Variants in GRIK2 observed in about 807,000 individuals in gnomAD.
GRIK2 encodes glutamate ionotropic receptor kainate type subunit 2, also known as glutamate receptor ionotropic, kainate 2.
Under a neutral mutation model 100.3 loss-of-function variants are expected in GRIK2, and 32 were observed. The observed-to-expected ratio is 0.32, with a 90% CI of 0.24 to 0.43. GRIK2 has a LOEUF of 0.43. GRIK2 is among the 20% of genes least tolerant of loss of function. The probability of loss-of-function intolerance (pLI) is 1.00; values close to 1 mark genes in which losing one functional copy is unlikely to be tolerated. For synonymous variants in GRIK2, 417 were observed against 389.4 expected (o/e 1.07, Z -0.83); for missense variants, 843 against 1,114.9 (o/e 0.76, Z 3.47).
intron 12 of GRIK2, among the ~76,000 whole-genome samples, chr6:101,913,752 A>T (rs1368388745): frequency 1.3e-5 from 2 of 151,462 alleles, no homozygotes; most frequent in African/African-American, 4.8e-5. Context: ...ACATTAACAA[A>T]GTAAAGAGAT....
chr6:101,617,118 A>G (rs775535368), intron 2 of GRIK2, among the ~76,000 whole-genome samples: 14 of 151,782 alleles, frequency 9.2e-5, no homozygotes, highest in Non-Finnish European at 1.6e-4. Context: ...GTGTTTTCAA[A>G]CTTAGAAAGG....
chr6:101,541,374 AACCAC>A (rs1397306330), intron 2 of GRIK2, among the ~76,000 whole-genome samples: 7 of 2,118 alleles, frequency 3.3e-3, no homozygotes, highest in Non-Finnish European at 5.4e-3. Context: ...CAGCGCACAC[AACCAC>A]ACACACACAC....
intron 2 of GRIK2, among the ~76,000 whole-genome samples, chr6:101,569,948 A>G (rs1290544821): frequency 6.6e-6 from 1 of 152,140 alleles, no homozygotes; most frequent in African/African-American, 2.4e-5. Context: ...TTTCTTATTG[A>G]ATCAGAGTAA....
At chr6:101,561,184 C>T (rs1776994450) in intron 2 of GRIK2, among the ~76,000 whole-genome samples, 2 of 151,998 alleles carry the variant, frequency 1.3e-5, no homozygotes, top group Non-Finnish European at 2.9e-5. Context: ...GATAACTTGT[C>T]CAAAGATGAA....
chr6:101,398,167 A>G (rs1050843844), intron 1 of GRIK2, among the ~76,000 whole-genome samples: 23 of 152,292 alleles, frequency 1.5e-4, no homozygotes, highest in African/African-American at 4.3e-4. Context: ...CTGCCTCTTT[A>G]GGAAAAAGAA....
intron 7 of GRIK2, among the ~76,000 whole-genome samples, chr6:101,687,376 C>T (rs181079377): frequency 1.3e-5 from 2 of 152,018 alleles, no homozygotes; most frequent in African/African-American, 4.8e-5. Context: ...ATTTACATTT[C>T]ATAGGAAATT....
In GRIK2 at chr6:101,854,330, G is replaced by A. The variant is rs183390075; in HGVS notation, c.1318-4957G>A. Among the ~76,000 whole-genome samples, 317 of 152,194 alleles carry A rather than the reference G, an allele frequency of 2.1e-3. 1 individual carries two copies. The highest frequency in any genetic ancestry group is 2.5e-3 in the Non-Finnish European group (167 of 68,006). ...GCTGGAGTGCAATGGCACAATCTCG[G>A]CTCACTGCAACCTCCACCTCCCAGG... On this transcript the variant is annotated intron_variant, in intron 10 of 16. Transcript: ENST00000369134.
intron 15 of GRIK2, among the ~76,000 whole-genome samples, chr6:102,039,451 T>C (rs778306596): frequency 2.0e-4 from 31 of 151,426 alleles, no homozygotes; most frequent in Non-Finnish European, 4.0e-4. Context: ...TTCAAAACAA[T>C]ATTTTTAAAG....
intron 14 of GRIK2, among the ~76,000 whole-genome samples, chr6:101,959,098 T>C (rs1023678831): frequency 1.3e-5 from 2 of 152,008 alleles, no homozygotes; most frequent in Non-Finnish European, 2.9e-5. Flanking sequence ...TATAGTAAAA[T>C]TGATACCATA....
At chr6:101,488,530 C>T (rs536056612) in intron 2 of GRIK2, among the ~76,000 whole-genome samples, 1 of 146,668 alleles carries the variant, frequency 6.8e-6, no homozygotes, top group Middle Eastern at 3.5e-3. Flanking sequence ...ATTATTTTCA[C>T]TTTTGGGAAT....
intron 7 of GRIK2, among the ~76,000 whole-genome samples, chr6:101,795,557 G>A (rs1259440465): frequency 1.3e-5 from 2 of 152,240 alleles, no homozygotes; most frequent in Non-Finnish European, 2.9e-5. Flanking sequence ...GTGGGCATGT[G>A]TGTGGTGAAT....
chr6:101,832,447 C>A (rs1051067044), intron 10 of GRIK2, among the ~76,000 whole-genome samples: 1 of 152,118 alleles, frequency 6.6e-6, no homozygotes, highest in Admixed American at 6.5e-5. Flanking sequence ...TAAGAACAAT[C>A]ATTTCCAACC....
intron 2 of GRIK2, among the ~76,000 whole-genome samples, chr6:101,491,274 GA>G (rs11392415): frequency 0.018 from 2,581 of 140,014 alleles, 32 homozygotes; most frequent in Non-Finnish European, 0.024. Context: ...GAGAAAAAAA[GA>G]AAAAAAAAAA....
At position 101,682,612 on chromosome 6, in the gene GRIK2, T is replaced by C. The variant is rs1466526226; in HGVS notation, c.777+6T>C. The C allele has an allele frequency of 8.7e-7, 1 of 1,154,530 alleles. No homozygotes were observed. The highest frequency in any genetic ancestry group is 2.0e-5 in the Admixed American group (1 of 48,956). The allele number at this position is 1,154,530 out of a possible 1,614,324, so 71.5% of individuals were successfully genotyped here. On this transcript the variant is annotated splice_donor_region_variant and intron_variant, in intron 6 of 16. Transcript: ENST00000369134. ...ATTATATCTTTACCACTCTGGTAAGTACTTCATTAAAACAAAATGTTCTGA... is the reference window on the plus strand; with the variant it reads ...ATTATATCTTTACCACTCTGGTAAGCACTTCATTAAAACAAAATGTTCTGA...
intron 2 of GRIK2, among the ~76,000 whole-genome samples, chr6:101,614,292 C>T (rs1249432327): frequency 1.3e-5 from 2 of 151,620 alleles, no homozygotes; most frequent in African/African-American, 4.8e-5. Flanking sequence ...ATTTTCTTTT[C>T]CCCCCAAACT....
intron 12 of GRIK2, among the ~76,000 whole-genome samples, chr6:101,899,534 T>C (rs1787703639): frequency 6.6e-6 from 1 of 152,064 alleles, no homozygotes; most frequent in Non-Finnish European, 1.5e-5. Context: ...TAAAGGATGA[T>C]TTTTCTCTTT....
intron 15 of GRIK2, among the ~76,000 whole-genome samples, chr6:102,036,544 G>C (rs775743145): frequency 6.6e-6 from 1 of 151,094 alleles, no homozygotes; most frequent in South Asian, 2.1e-4. Flanking sequence ...TTGAGTCATA[G>C]TTACGATGTG....
At chr6:101,457,237 A>C (rs185114994) in intron 2 of GRIK2, among the ~76,000 whole-genome samples, 26 of 152,264 alleles carry the variant, frequency 1.7e-4, no homozygotes, top group Admixed American at 6.5e-4. Flanking sequence ...ATCAACATCA[A>C]TATTATAAAC....
intron 12 of GRIK2, among the ~76,000 whole-genome samples, chr6:101,907,149 A>G (rs187480449): frequency 1.3e-5 from 2 of 151,786 alleles, no homozygotes; most frequent in Non-Finnish European, 2.9e-5. Flanking sequence ...TATATTAGAT[A>G]TATAACATTT....
Sources: gnomAD v4.1 joint callset for allele counts (sites outside exome capture counted in the v4.1 genomes callset) on GRCh38, gnomAD v4.1.1 for gene constraint, MANE v1.5 for transcripts, NCBI Gene and HGNC (gene_info 2026-07-23, HGNC 2026-07-21) for gene names.